RIC8B: variants seen among roughly 807,000 people sequenced by gnomAD.
The protein encoded by RIC8B is chaperone Ric-8B.
A neutral mutation model predicts 57.5 loss-of-function variants in RIC8B; 16 were observed. That is an observed-to-expected ratio of 0.28 (90% CI 0.19 to 0.42). RIC8B has a LOEUF of 0.42. Ranked by LOEUF, RIC8B falls within the 10% of genes least tolerant of loss-of-function variation. The pLI, the probability that RIC8B is intolerant of heterozygous loss-of-function variation, is 1.00. For synonymous variants in RIC8B, 216 were observed against 250.8 expected, an observed-to-expected ratio of 0.86 and a Z score of 1.31; for missense variants, 481 against 677.0, an observed-to-expected ratio of 0.71 and a Z score of 3.21.
Position 106,835,293 on chromosome 12 carries a change from A to G in RIC8B, c.837-7296A>G, listed in dbSNP as rs556682901. Among the ~76,000 whole-genome samples the G allele has an allele frequency of 3.3e-5, 5 of 152,268 alleles. No individual in the cohort carries two copies. In the East Asian group the frequency reaches 9.7e-4, roughly 29 times the overall value. On this transcript the variant is annotated intron_variant, in intron 4 of 9. Transcript: ENST00000392837. ...ATAGACCTTTCTGGTCTTATTACCT[A>G]CTAAGACCCCTCCTTTAGAGGCCTT...
intron 3 of RIC8B, among the ~76,000 whole-genome samples, chr12:106,818,186 TGA>T: frequency 6.6e-6 from 1 of 152,270 alleles, no homozygotes; most frequent in East Asian, 1.9e-4. Flanking sequence ...CTTTTTTTTT[TGA>T]GAGAGTCTTG....
intron 9 of RIC8B, chr12:106,873,128 G>C (rs1273892301): frequency 1.0e-6 from 1 of 985,272 alleles, no homozygotes; most frequent in East Asian, 1.1e-4. Flanking sequence ...ATGCCTCAAA[G>C]AAGATGCCTA....
At chr12:106,875,207 CTG>C (rs1460683215) in intron 9 of RIC8B, among the ~76,000 whole-genome samples, 1 of 151,784 alleles carries the variant, frequency 6.6e-6, no homozygotes, top group African/African-American at 2.4e-5. Flanking sequence ...AGAATGATAA[CTG>C]TAATATTTAT....
chr12:106,802,704 A>G (rs2044791548), intron 2 of RIC8B, among the ~76,000 whole-genome samples: 1 of 152,046 alleles, frequency 6.6e-6, no homozygotes, highest in East Asian at 1.9e-4. Flanking sequence ...GTTCTTGTGT[A>G]TCACTAGATA....
intron 4 of RIC8B, among the ~76,000 whole-genome samples, chr12:106,830,729 T>G (rs1237655910): frequency 6.6e-6 from 1 of 152,178 alleles, no homozygotes; most frequent in Non-Finnish European, 1.5e-5. Context: ...ATTCCCAGAC[T>G]GCCCGATTTA....
In RIC8B at chr12:106,826,472, G is replaced by A. The variant is rs529066473; in HGVS notation, c.836+652G>A. 3.6e-4 allele frequency among the ~76,000 whole-genome samples: 55 copies of A among 152,304 alleles called. 2 individuals are homozygous for A. In the South Asian group the frequency reaches 0.011, roughly 30 times the overall value. ...GTCTAGCATTAAAATATATAAAATA[G>A]GCCGGGTGTGGTGGCTCATGCCTGT... On this transcript the variant is annotated intron_variant, in intron 4 of 9. Transcript: ENST00000392837.
At chr12:106,876,232 A>T (rs947064263) in intron 9 of RIC8B, among the ~76,000 whole-genome samples, 1 of 152,166 alleles carries the variant, frequency 6.6e-6, no homozygotes. Context: ...ATGTCCTATC[A>T]GTGTAAAATA....
intron 1 of RIC8B, among the ~76,000 whole-genome samples, chr12:106,776,531 C>A (rs930575264): frequency 3.4e-4 from 52 of 152,204 alleles, no homozygotes; most frequent in African/African-American, 1.2e-3. Flanking sequence ...AAACCTTCAA[C>A]TGGATATAAT....
At chr12:106,785,814 T>TCTCTCTCTCGGGAG (rs1491404168) in intron 2 of RIC8B, among the ~76,000 whole-genome samples, 1 of 42,524 alleles carries the variant, frequency 2.4e-5, no homozygotes, top group African/African-American at 8.8e-5. Context: ...TCTCTCTCTC[T>TCTCTCTCTCGGGAG]GTGTGTGTGT....
At chr12:106,865,107 T>A (rs1161494175) in intron 8 of RIC8B, among the ~76,000 whole-genome samples, 1 of 152,144 alleles carries the variant, frequency 6.6e-6, no homozygotes, top group Non-Finnish European at 1.5e-5. Context: ...TGCTTTCTGC[T>A]CTCTTGCGTA....
At chr12:106,880,638 G>A (rs922271584) in intron 9 of RIC8B, among the ~76,000 whole-genome samples, 1 of 152,160 alleles carries the variant, frequency 6.6e-6, no homozygotes, top group Non-Finnish European at 1.5e-5. Flanking sequence ...CTGCTGAACT[G>A]TCAGAATGTC....
At chr12:106,880,003 A>G (rs947728247) in intron 9 of RIC8B, 1 of 953,412 alleles carries the variant, frequency 1.0e-6, no homozygotes, top group African/African-American at 1.8e-5. Flanking sequence ...ACACATTTCA[A>G]TATACAGTAT....
chr12:106,826,947 G>A (rs1048811235), intron 4 of RIC8B, among the ~76,000 whole-genome samples: 10 of 152,066 alleles, frequency 6.6e-5, no homozygotes, highest in East Asian at 5.8e-4. Flanking sequence ...GGTGGCGCAC[G>A]CCTGTAGACC....
chr12:106,864,230 G>A (rs532389172), intron 8 of RIC8B, among the ~76,000 whole-genome samples: 3 of 152,116 alleles, frequency 2.0e-5, no homozygotes, highest in East Asian at 3.9e-4. Flanking sequence ...TAAAGCACAC[G>A]CCACAAAACC....
chr12:106,784,056 T>C lies in RIC8B; in HGVS notation c.132+12T>C. On this transcript the variant is annotated intron_variant, in intron 2 of 9. Coordinates refer to ENST00000392837, the MANE Select transcript of RIC8B (RefSeq NM_001330145.2). Reference sequence around the variant, plus strand: ...AAGATAAAAGAAAGGTAAGCCTTGGTGTTGCTCTGTGAATGTTTATGTGTG... The same window carrying C: ...AAGATAAAAGAAAGGTAAGCCTTGGCGTTGCTCTGTGAATGTTTATGTGTG... 2 of 1,612,238 alleles carry C rather than the reference T, an allele frequency of 1.2e-6. No individual in the cohort carries two copies. The highest frequency in any genetic ancestry group is 1.7e-6 in the Non-Finnish European group (2 of 1,178,512).
At chr12:106,791,957 A>G (rs2044275836) in intron 2 of RIC8B, among the ~76,000 whole-genome samples, 1 of 152,174 alleles carries the variant, frequency 6.6e-6, no homozygotes, top group Admixed American at 6.5e-5. Flanking sequence ...GTCACACTCC[A>G]GTTTTTACTA....
intron 2 of RIC8B, among the ~76,000 whole-genome samples, chr12:106,813,322 C>G (rs1177474117): frequency 6.6e-6 from 1 of 151,384 alleles, no homozygotes; most frequent in African/African-American, 2.4e-5. Flanking sequence ...TCCCGAGTAG[C>G]TGAGATTACA....
intron 4 of RIC8B, among the ~76,000 whole-genome samples, chr12:106,834,179 CA>C (rs1304915778): frequency 6.6e-6 from 1 of 152,162 alleles, no homozygotes; most frequent in Non-Finnish European, 1.5e-5. Flanking sequence ...GTTGTGAATT[CA>C]TGTTACAGAT....
chr12:106,814,867 G>T lies in RIC8B; in HGVS notation c.304G>T (p.Asp102Tyr). The T allele has an allele frequency of 2.5e-6, 4 of 1,614,146 alleles. No individual in the cohort carries two copies. The highest frequency in any genetic ancestry group is 3.4e-6 in the Non-Finnish European group (4 of 1,179,972). Reference sequence around the variant, plus strand: ...GCGACTAGCCAAGCTAAATGAGTTAGATGATTCTTTGGAGAAAGTATCAGA... The same window carrying T: ...GCGACTAGCCAAGCTAAATGAGTTATATGATTCTTTGGAGAAAGTATCAGA... ...LLRLAKLNEL[D>Y]DSLEKVSEFP... Residue 102 changes from aspartate to tyrosine, a missense_variant, in exon 3 of 10, where the codon GAT becomes TAT. Transcript: ENST00000392837.
Sources: gnomAD v4.1 joint callset for allele counts (sites outside exome capture counted in the v4.1 genomes callset) on GRCh38, gnomAD v4.1.1 for gene constraint, MANE v1.5 for transcripts, NCBI Gene and HGNC (gene_info 2026-07-23, HGNC 2026-07-21) for gene names.